Variants in CNST observed in about 807,000 individuals in gnomAD.
CNST encodes consortin, connexin sorting protein.
In CNST, 39 loss-of-function variants were observed where a neutral mutation model predicts 72.4. The observed-to-expected ratio is 0.54, with a 90% CI of 0.42 to 0.70. CNST has a LOEUF of 0.70. Among genes scored for constraint, CNST ranks in the 30% least tolerant of loss-of-function variants. The pLI, the probability that CNST is intolerant of heterozygous loss-of-function variation, is 0.00. For missense variants in CNST, 871 were observed against 868.5 expected, an observed-to-expected ratio of 1.00 and a Z score of -0.04; for synonymous variants, 332 against 320.1, an observed-to-expected ratio of 1.04 and a Z score of -0.40.
intron 3 of CNST, among the ~76,000 whole-genome samples, chr1:246,627,187 A>G (rs78833867): frequency 0.027 from 4,058 of 152,314 alleles, 175 homozygotes; most frequent in African/African-American, 0.093. Context: ...CAGATAAAAC[A>G]TAAGTCAGAT....
At chr1:246,639,283 G>A (rs1370985933) in intron 6 of CNST, among the ~76,000 whole-genome samples, 1 of 152,116 alleles carries the variant, frequency 6.6e-6, no homozygotes, top group Admixed American at 6.5e-5. Context: ...GTGGGTAATC[G>A]GCTGTGCAGG....
At chr1:246,609,352 GATCACCTGAGGCC>G (rs1216402684) in intron 2 of CNST, among the ~76,000 whole-genome samples, 1 of 152,172 alleles carries the variant, frequency 6.6e-6, no homozygotes, top group Non-Finnish European at 1.5e-5. Context: ...GAGGCAGGCG[GATCACCTGAGGCC>G]ATGAGTTTGA....
rs188031377 is a variant in CNST, at chr1:246,641,682, A to C, written c.819-67A>C. The C allele has an allele frequency of 1.9e-5, 17 of 878,364 alleles. No homozygotes were observed. The East Asian group carries it at 4.2e-4, about 21-fold the overall frequency. The allele number at this position is 878,364 out of a possible 1,614,324, so 54.4% of individuals were successfully genotyped here. Reference sequence around the variant, plus strand: ...ATTTTTTTATAGCCATTTCAGTGACATTTGTTTGGAAGCATATTGCTGCTG... The same window carrying C: ...ATTTTTTTATAGCCATTTCAGTGACCTTTGTTTGGAAGCATATTGCTGCTG... On this transcript the variant is annotated intron_variant, in intron 6 of 10. Transcript: ENST00000366513.
chr1:246,640,347 C>G (rs1665604827), intron 6 of CNST, among the ~76,000 whole-genome samples: 3 of 152,062 alleles, frequency 2.0e-5, no homozygotes, highest in Admixed American at 6.5e-5. Context: ...TAGTCTGATG[C>G]TAGAAAGCAA....
intron 1 of CNST, among the ~76,000 whole-genome samples, chr1:246,582,461 G>A (rs1171829340): frequency 6.6e-6 from 1 of 151,444 alleles, no homozygotes; most frequent in African/African-American, 2.4e-5. Flanking sequence ...TGATTTTCCT[G>A]CCTCAGCCTC....
In CNST at chr1:246,647,185, T is replaced by G; in HGVS notation, c.984T>G (p.His328Gln). ...CAGAGTCAAGTAAAGAAAGCCAACA[T>G]ACAGTGGAGCCCCTGGGGAGCAGTC... ...LGTESSKESQHTVEPLGSSPC... is the reference protein window; with the variant it reads ...LGTESSKESQQTVEPLGSSPC... Residue 328 changes from histidine (H) to glutamine (Q), a missense_variant, in exon 9 of 11, where the codon CAT (histidine) becomes CAG (glutamine). By Grantham distance (24) the His-to-Gln change is conservative (BLOSUM62 0). Coordinates refer to ENST00000366513, the MANE Select transcript of CNST (RefSeq NM_152609.3). The G allele has an allele frequency of 9.3e-6, 15 of 1,614,104 alleles. No individual in the cohort carries two copies. The highest frequency in any genetic ancestry group is 1.3e-5 in the Non-Finnish European group (15 of 1,180,010).
chr1:246,625,227 A>G (rs911604039), intron 3 of CNST, among the ~76,000 whole-genome samples: 1 of 152,138 alleles, frequency 6.6e-6, no homozygotes, highest in Non-Finnish European at 1.5e-5. Flanking sequence ...TGCAGGATTC[A>G]GTGCAGGATG....
Position 246,577,698 on chromosome 1 carries a change from T to TC in CNST, c.-52+11036dup, listed in dbSNP as rs1276474935. 9.9e-5 allele frequency among the ~76,000 whole-genome samples: 15 copies of TC among 152,232 alleles called. No homozygotes were observed. The South Asian group carries it at 2.1e-3, about 21-fold the overall frequency. On this transcript the variant is annotated intron_variant, in intron 1 of 10. Coordinates refer to ENST00000366513, the MANE Select transcript of CNST (RefSeq NM_152609.3). The stretch of plus-strand genomic sequence containing the variant: ...TAGTCAAGAATGTGAGGTGAACCTT[T>TC]CAAGTAAAATTGTAGTTGAAGAAAC...
At chr1:246,583,562 T>C (rs775881739) in intron 1 of CNST, among the ~76,000 whole-genome samples, 1 of 152,238 alleles carries the variant, frequency 6.6e-6, no homozygotes, top group African/African-American at 2.4e-5. Flanking sequence ...TCTGTCTCTC[T>C]CTTGCCTCAT....
intron 9 of CNST, among the ~76,000 whole-genome samples, chr1:246,657,125 T>G (rs1666818605): frequency 6.6e-6 from 1 of 152,094 alleles, no homozygotes; most frequent in Non-Finnish European, 1.5e-5. Flanking sequence ...CAAACTTGTT[T>G]CTTAAGATCT....
intron 3 of CNST, among the ~76,000 whole-genome samples, chr1:246,626,909 TCGTC>T (rs763846057): frequency 6.6e-6 from 1 of 152,180 alleles, no homozygotes; most frequent in Non-Finnish European, 1.5e-5. Context: ...AATGCCAACT[TCGTC>T]CCTCTAGTTG....
intron 1 of CNST, among the ~76,000 whole-genome samples, chr1:246,577,603 C>A (rs192873898): frequency 4.1e-4 from 62 of 152,120 alleles, no homozygotes; most frequent in Admixed American, 1.4e-3. Context: ...CCATTTAGTT[C>A]ACAGATTTTC....
At chr1:246,590,857 GC>G (rs1188818659) in intron 1 of CNST, among the ~76,000 whole-genome samples, 2 of 121,376 alleles carry the variant, frequency 1.6e-5, no homozygotes, top group Admixed American at 9.3e-5. Context: ...GTTAACCATG[GC>G]CTTTTTTTTT....
At chr1:246,580,165 T>TG (rs2103010435) in intron 1 of CNST, among the ~76,000 whole-genome samples, 1 of 152,266 alleles carries the variant, frequency 6.6e-6, no homozygotes, top group Admixed American at 6.5e-5. Flanking sequence ...AAAATTAAGA[T>TG]GTAACATTAC....
At chr1:246,590,360 T>A (rs914786262) in intron 1 of CNST, among the ~76,000 whole-genome samples, 2 of 152,154 alleles carry the variant, frequency 1.3e-5, no homozygotes, top group Non-Finnish European at 2.9e-5. Context: ...TATTATTATT[T>A]TTTTAACCAC....
At chr1:246,602,255 T>A (rs1276007350) in intron 2 of CNST, among the ~76,000 whole-genome samples, 1 of 152,230 alleles carries the variant, frequency 6.6e-6, no homozygotes, top group Admixed American at 6.5e-5. Context: ...TCTTGCAGCG[T>A]AACAAAACTT....
At chr1:246,607,213 C>G (rs1358821528) in intron 2 of CNST, 7 of 151,798 alleles carry the variant, frequency 4.6e-5, no homozygotes, top group African/African-American at 1.7e-4. Flanking sequence ...GACGGGCGTT[C>G]CTGAGAATTC....
At chr1:246,641,564 CATG>C (rs1665691192) in intron 6 of CNST, among the ~76,000 whole-genome samples, 182 bp from the exon 7 acceptor site, 2 of 152,112 alleles carry the variant, frequency 1.3e-5, no homozygotes, top group Admixed American at 6.6e-5. Context: ...GAGATAAACA[CATG>C]ATATAGCTGC....
intron 9 of CNST, among the ~76,000 whole-genome samples, chr1:246,659,453 A>G (rs188849136): frequency 8.3e-4 from 126 of 152,222 alleles, no homozygotes; most frequent in African/African-American, 2.3e-3. Context: ...AAATTAGCCG[A>G]GCATGGTGGC....
Sources: allele counts gnomAD v4.1 joint callset (sites outside exome capture counted in the v4.1 genomes callset), GRCh38; gene constraint gnomAD v4.1.1; transcripts MANE v1.5; gene names NCBI Gene and HGNC (gene_info 2026-07-23, HGNC 2026-07-21).